The following FHIT variants were observed in gnomAD, a reference collection of about 807,000 sequenced individuals.
FHIT encodes bis(5'-adenosyl)-triphosphatase.
FHIT carries 19 observed loss-of-function variants against 17.9 expected under a neutral mutation model. The ratio of observed to expected loss-of-function variants is 1.06; its 90% CI spans 0.74 to 1.56. The LOEUF (loss-of-function observed/expected upper bound fraction) is 1.56, where lower values mean the gene tolerates loss of function less well. Ranked by LOEUF, FHIT falls within the 40% of genes most tolerant of loss-of-function variation. The pLI is 0.00. For synonymous variants in FHIT, 81 were observed against 69.7 expected (o/e 1.16, Z -0.81); for missense variants, 248 against 189.2 (o/e 1.31, Z -1.82).
At chr3:60,592,285 T>TAA (rs1491083961) in intron 4 of FHIT, among the ~76,000 whole-genome samples, 1 of 147,514 alleles carries the variant, frequency 6.8e-6, no homozygotes, top group Non-Finnish European at 1.5e-5. Flanking sequence ...TATATATATA[T>TAA]AAAATCATAG....
intron 5 of FHIT, among the ~76,000 whole-genome samples, chr3:60,272,859 TCCAC>T (rs1305151248): frequency 6.6e-6 from 1 of 152,194 alleles, no homozygotes; most frequent in Non-Finnish European, 1.5e-5. Context: ...AGCTCCTGCA[TCCAC>T]TACTAACAAA....
intron 7 of FHIT, among the ~76,000 whole-genome samples, chr3:59,957,890 C>T (rs1707481618): frequency 6.6e-6 from 1 of 152,178 alleles, no homozygotes; most frequent in South Asian, 2.1e-4. Flanking sequence ...ATTTCTCAGA[C>T]ATGACAGCAA....
rs117717147 is a variant in FHIT, at chr3:60,976,071, C to T, written c.-111+65976G>A. 6.7e-4 allele frequency among the ~76,000 whole-genome samples: 80 copies of T among 119,496 alleles called. 6 individuals carry two copies. In the East Asian group the frequency reaches 0.019, roughly 28 times the overall value. The allele number at this position is 119,496 out of a possible 152,430, so 78.4% of individuals were successfully genotyped here. ...CTTCAGGATAACACCTCCAAACATA[C>T]TTTGTATCTTTCGTTTTTCTTTTTC... On this transcript the variant is annotated intron_variant, in intron 3 of 9. Transcript: ENST00000492590.
At chr3:60,655,170 A>G (rs1337916002) in intron 4 of FHIT, among the ~76,000 whole-genome samples, 1 of 152,334 alleles carries the variant, frequency 6.6e-6, no homozygotes, top group Middle Eastern at 3.4e-3. Context: ...TTAACTAGCA[A>G]TATGGAAGTA....
At chr3:60,812,415 C>G (rs1463467167) in intron 4 of FHIT, among the ~76,000 whole-genome samples, 1 of 152,070 alleles carries the variant, frequency 6.6e-6, no homozygotes, top group East Asian at 1.9e-4. Flanking sequence ...CCACTTTGGC[C>G]TCCCAAAGTG....
intron 1 of FHIT, among the ~76,000 whole-genome samples, chr3:61,209,087 G>T (rs892629521): frequency 2.0e-5 from 3 of 151,996 alleles, no homozygotes; most frequent in Non-Finnish European, 4.4e-5. Flanking sequence ...GCTTAGTTTG[G>T]CTGGATATGA....
Position 60,995,963 on chromosome 3 carries a change from G to T in FHIT, c.-111+46084C>A, listed in dbSNP as rs533293719. On this transcript the variant is annotated intron_variant, in intron 3 of 9. Coordinates refer to ENST00000492590, the MANE Select transcript of FHIT (RefSeq NM_002012.4). ...TTCTTAGCAAATGCATTTTAAAGAG[G>T]ATGACTTTCCAGTGAACACTTTAAT... 2.0e-3 allele frequency among the ~76,000 whole-genome samples: 312 copies of T among 152,288 alleles called. 1 individual carries two copies. The highest frequency in any genetic ancestry group is 7.4e-3 in the African/African-American group (307 of 41,556).
chr3:59,776,397 A>G (rs746553464), intron 8 of FHIT, among the ~76,000 whole-genome samples: 16 of 152,232 alleles, frequency 1.1e-4, no homozygotes, highest in Non-Finnish European at 2.4e-4. Context: ...AAAAACAAAA[A>G]GTGGCAAGAC....
intron 8 of FHIT, among the ~76,000 whole-genome samples, chr3:59,821,757 A>ATTT (rs1559635779): frequency 2.0e-5 from 3 of 148,940 alleles, no homozygotes; most frequent in South Asian, 2.1e-4. Context: ...TTTTTTTTTA[A>ATTT]AAAAAATATA....
intron 5 of FHIT, among the ~76,000 whole-genome samples, chr3:60,212,201 C>T (rs1177734725): frequency 2.6e-5 from 4 of 152,032 alleles, no homozygotes; most frequent in Admixed American, 6.6e-5. Flanking sequence ...TTTAAGGCTC[C>T]CAGTGAAAAC....
chr3:59,759,964 G>C (rs949110628), intron 8 of FHIT, among the ~76,000 whole-genome samples: 2 of 148,840 alleles, frequency 1.3e-5, no homozygotes, highest in African/African-American at 4.9e-5. Context: ...CTGTGAACTG[G>C]ACCTTGGACT....
At chr3:61,168,903 G>A (rs2037916992) in intron 2 of FHIT, among the ~76,000 whole-genome samples, 1 of 151,210 alleles carries the variant, frequency 6.6e-6, no homozygotes, top group African/African-American at 2.4e-5. Context: ...GAAGCTATGT[G>A]TTATAAAATG....
intron 5 of FHIT, among the ~76,000 whole-genome samples, chr3:60,067,417 A>C (rs1480307937): frequency 1.3e-5 from 2 of 152,232 alleles, no homozygotes; most frequent in Non-Finnish European, 2.9e-5. Context: ...CCCCTAAAGA[A>C]AGATACTCTA....
At chr3:59,854,280 CA>C (rs1453241139) in intron 8 of FHIT, among the ~76,000 whole-genome samples, 14 of 152,114 alleles carry the variant, frequency 9.2e-5, no homozygotes, top group Admixed American at 8.5e-4. Context: ...GGAAGCATTC[CA>C]GGGGGAAGAA....
chr3:60,560,842 C>CAGAG (rs1473909531), intron 4 of FHIT, among the ~76,000 whole-genome samples: 1,473 of 123,482 alleles, frequency 0.012, 14 homozygotes, highest in East Asian at 0.033. Flanking sequence ...CACACACACA[C>CAGAG]ACAGAGAGAG....
chr3:59,857,049 G>A (rs906495952), intron 8 of FHIT, among the ~76,000 whole-genome samples: 4 of 152,160 alleles, frequency 2.6e-5, no homozygotes, highest in Non-Finnish European at 5.9e-5. Flanking sequence ...ACTGATGCCT[G>A]GGGTCCTTTC....
At chr3:60,011,782 AG>A (rs1454874604) in intron 6 of FHIT, among the ~76,000 whole-genome samples, 2 of 152,206 alleles carry the variant, frequency 1.3e-5, no homozygotes, top group African/African-American at 4.8e-5. Context: ...GCTTCTACTC[AG>A]GAAATCTGCT....
At chr3:61,132,254 G>C (rs189139659) in intron 2 of FHIT, among the ~76,000 whole-genome samples, 1 of 152,196 alleles carries the variant, frequency 6.6e-6, no homozygotes, top group South Asian at 2.1e-4. Context: ...ACATGTCTTA[G>C]TTGAGCCCTA....
chr3:60,055,554 C>G (rs900486806), intron 5 of FHIT, among the ~76,000 whole-genome samples: 1 of 151,310 alleles, frequency 6.6e-6, no homozygotes, highest in Non-Finnish European at 1.5e-5. Flanking sequence ...AGCACTTGCA[C>G]CAAGAAAAAC....
Sources: allele counts gnomAD v4.1 joint callset (sites outside exome capture counted in the v4.1 genomes callset), GRCh38; gene constraint gnomAD v4.1.1; transcripts MANE v1.5; gene names NCBI Gene and HGNC (gene_info 2026-07-23, HGNC 2026-07-21).